The following ACTA2 variants were observed in gnomAD, a reference collection of about 807,000 sequenced individuals.
The protein encoded by ACTA2 is actin, aortic smooth muscle.
In ACTA2, 12 loss-of-function variants were observed where a neutral mutation model predicts 39.5. The observed-to-expected ratio is 0.30, with a 90% confidence interval of 0.19 to 0.49. The LOEUF is 0.49. Among genes scored for constraint, ACTA2 ranks in the 20% least tolerant of loss-of-function variants. The pLI is 0.99. For synonymous variants in ACTA2, 158 were observed against 180.6 expected (o/e 0.88, Z 1.00); for missense variants, 236 against 498.8 (o/e 0.47, Z 5.02).
At chr10:88,987,567 T>C (rs1168841175) in intron 1 of ACTA2, among the ~76,000 whole-genome samples, 1 of 152,260 alleles carries the variant, frequency 6.6e-6, no homozygotes, top group Non-Finnish European at 1.5e-5. Flanking sequence ...CAGTTTCACA[T>C]CTCACATATT....
chr10:88,988,976 G>A (rs1847009960), intron 1 of ACTA2, among the ~76,000 whole-genome samples: 1 of 152,158 alleles, frequency 6.6e-6, no homozygotes, highest in Admixed American at 6.5e-5. Flanking sequence ...AGACGTACGT[G>A]GGCAGAGGGT....
intron 6 of ACTA2, 52 bp from the exon 7 acceptor site, chr10:88,939,750 CAA>C: frequency 6.3e-7 from 1 of 1,588,014 alleles, no homozygotes; most frequent in East Asian, 2.2e-5. Context: ...GCACAGGTGG[CAA>C]AGATTCACCT....
At chr10:88,982,444 T>C (rs1256513930) in intron 1 of ACTA2, among the ~76,000 whole-genome samples, 2 of 151,588 alleles carry the variant, frequency 1.3e-5, no homozygotes, top group African/African-American at 4.8e-5. Context: ...TTTTTTGAAA[T>C]GAGGAAAGGA....
chr10:88,940,551 G>A (rs1845829035), intron 6 of ACTA2: 1 of 158,776 alleles, frequency 6.3e-6, no homozygotes, highest in Non-Finnish European at 1.4e-5. Flanking sequence ...ATTGCTAAGG[G>A]GAGGACAGGT....
At chr10:88,986,254 T>G (rs998513985) in intron 1 of ACTA2, among the ~76,000 whole-genome samples, 10 of 152,132 alleles carry the variant, frequency 6.6e-5, no homozygotes, top group African/African-American at 2.4e-4. Context: ...TGTCAGTTCT[T>G]AACACCCAGG....
chr10:88,945,668 T>A lies in ACTA2; in HGVS notation c.258+1590A>T, dbSNP rs556731494. ...TAATGCAACACAGATAAATAATTTT[T>A]AAAATATTTATCATATAGCTTTTTT... On this transcript the variant is annotated intron_variant, in intron 3 of 8. Coordinates refer to ENST00000224784, the MANE Select transcript of ACTA2 (RefSeq NM_001613.4). 3.9e-5 allele frequency among the ~76,000 whole-genome samples: 6 copies of A among 152,346 alleles called. No individual in the cohort carries two copies. In the East Asian group the frequency reaches 5.8e-4, roughly 15 times the overall value.
intron 1 of ACTA2, among the ~76,000 whole-genome samples, chr10:88,958,022 T>C (rs1846166293): frequency 6.6e-6 from 1 of 152,090 alleles, no homozygotes; most frequent in Non-Finnish European, 1.5e-5. Context: ...TGCCTCAGCC[T>C]CCCAAAGTGC....
intron 1 of ACTA2, among the ~76,000 whole-genome samples, chr10:88,951,089 T>A (rs1846041805): frequency 6.6e-6 from 1 of 152,192 alleles, no homozygotes; most frequent in Non-Finnish European, 1.5e-5. Flanking sequence ...CACCCTTCTT[T>A]TCCCTTTCCA....
intron 1 of ACTA2, among the ~76,000 whole-genome samples, chr10:88,984,690 C>G (rs999516469): frequency 2.9e-4 from 44 of 151,600 alleles, no homozygotes; most frequent in Non-Finnish European, 6.2e-4. Context: ...TTTAGTTATT[C>G]ATGAAACCAC....
intron 1 of ACTA2, among the ~76,000 whole-genome samples, chr10:88,963,309 C>A (rs1846267168): frequency 6.6e-6 from 1 of 151,872 alleles, no homozygotes; most frequent in Non-Finnish European, 1.5e-5. Context: ...TCCAGAGATT[C>A]TCAGAGGGGA....
At chr10:88,975,917 T>C (rs367674273) in intron 1 of ACTA2, among the ~76,000 whole-genome samples, 15 of 152,196 alleles carry the variant, frequency 9.9e-5, no homozygotes, top group East Asian at 7.7e-4. Context: ...GTGAGATTAA[T>C]AGAAGCCAAA....
chr10:88,938,317 A>G, intron 7 of ACTA2, 75 bp from the exon 8 acceptor site: 1 of 1,507,902 alleles, frequency 6.6e-7, no homozygotes, highest in Non-Finnish European at 9.2e-7. Context: ...CCAGACTTGA[A>G]CATCTGGATG....
At chr10:88,989,465 T>C (rs947362968) in intron 1 of ACTA2, 5 of 542,166 alleles carry the variant, frequency 9.2e-6, no homozygotes, top group African/African-American at 7.6e-5. Flanking sequence ...TTTGTGTCTA[T>C]TAGATGCTCA....
In ACTA2 at chr10:88,948,835, A is replaced by G. The variant is rs1158153298; in HGVS notation, c.96T>C (p.Val32=). The G allele has an allele frequency of 1.9e-6, 3 of 1,613,888 alleles. No individual in the cohort carries two copies. The East Asian group carries it at 6.7e-5, about 36-fold the overall frequency. ...GFAGDDAPRA[V]FPSIVGRPRH... ...TGGGACGTCCCACAATGGATGGGAAAACAGCCCTGGGAGCATCGTCCCCAG... is the reference window on the plus strand; with the variant it reads ...TGGGACGTCCCACAATGGATGGGAAGACAGCCCTGGGAGCATCGTCCCCAG... The change falls in exon 2 of 9, where the codon GTT becomes GTC. Residue 32 remains valine (V), a synonymous_variant. Coordinates refer to ENST00000224784, the MANE Select transcript of ACTA2 (RefSeq NM_001613.4).
chr10:88,941,939 C>T, intron 4 of ACTA2, 70 bp from the exon 5 acceptor site: 2 of 1,410,524 alleles, frequency 1.4e-6, no homozygotes, highest in Non-Finnish European at 9.9e-7. Flanking sequence ...GGAGAGCACA[C>T]CTGGTTGATG....
intron 3 of ACTA2, among the ~76,000 whole-genome samples, chr10:88,946,398 G>T (rs1367776960): frequency 3.3e-5 from 5 of 151,054 alleles, no homozygotes; most frequent in African/African-American, 1.2e-4. Flanking sequence ...TGCCCTGCAG[G>T]ATTTTTTTCT....
At chr10:88,977,126 T>C (rs1442529109) in intron 1 of ACTA2, among the ~76,000 whole-genome samples, 2 of 152,164 alleles carry the variant, frequency 1.3e-5, no homozygotes, top group Non-Finnish European at 2.9e-5. Context: ...CTGTTCACTC[T>C]GATGGTAGTT....
chr10:88,943,525 TCTC>T (rs765485852), intron 4 of ACTA2, among the ~76,000 whole-genome samples: 7 of 152,182 alleles, frequency 4.6e-5, no homozygotes, highest in African/African-American at 7.2e-5. Flanking sequence ...TGAAGTGACT[TCTC>T]CTTAGACATT....
At chr10:88,936,743 A>G (rs534989668) in intron 8 of ACTA2, among the ~76,000 whole-genome samples, 1 of 152,262 alleles carries the variant, frequency 6.6e-6, no homozygotes, top group Non-Finnish European at 1.5e-5. Flanking sequence ...TTCTTTACAA[A>G]TTACCCAAGT....
Sources: allele counts gnomAD v4.1 joint callset (sites outside exome capture counted in the v4.1 genomes callset), GRCh38; gene constraint gnomAD v4.1.1; transcripts MANE v1.5; gene names NCBI Gene and HGNC (gene_info 2026-07-23, HGNC 2026-07-21).